MAPK8IP3: variants seen among roughly 807,000 people sequenced by gnomAD.
MAPK8IP3 encodes the protein mitogen-activated protein kinase 8 interacting protein 3.
A neutral mutation model predicts 157.8 loss-of-function variants in MAPK8IP3; 49 were observed. The ratio of observed to expected loss-of-function variants is 0.31; its 90% CI spans 0.25 to 0.39. The LOEUF is 0.39. Ranked by LOEUF, MAPK8IP3 falls within the 10% of genes least tolerant of loss-of-function variation. The probability of loss-of-function intolerance (pLI) is 1.00; values close to 1 mark genes in which losing one functional copy is unlikely to be tolerated. For missense variants in MAPK8IP3, 1,478 were observed against 1,889.4 expected, an observed-to-expected ratio of 0.78 and a Z score of 4.04; for synonymous variants, 897 against 777.7, an observed-to-expected ratio of 1.15 and a Z score of -2.55.
intron 10 of MAPK8IP3, among the ~76,000 whole-genome samples, chr16:1,759,692 C>T (rs2041823952): frequency 6.6e-6 from 1 of 152,194 alleles, no homozygotes; most frequent in Non-Finnish European, 1.5e-5. Context: ...GGCAGCCCAG[C>T]GGCCATTCAG....
intron 14 of MAPK8IP3, 28 bp downstream of exon 14, chr16:1,762,509 G>A: frequency 6.2e-7 from 1 of 1,610,990 alleles, no homozygotes; most frequent in East Asian, 2.2e-5. Context: ...CCCAGGAGGG[G>A]CTGCGGGATC....
At position 1,744,769 on chromosome 16, in the gene MAPK8IP3, C is replaced by T. The variant is rs951083610; in HGVS notation, c.747+1293C>T. On this transcript the variant is annotated intron_variant, in intron 5 of 31. Transcript: ENST00000610761. ...ATGATGTCTTTCCTTTCACCTCCTG[C>T]GTTGTCTGACATCGTCGCTCTCTTC... 10 of 985,342 alleles carry T rather than the reference C, an allele frequency of 1.0e-5. No homozygotes were observed. In the African/African-American group the frequency reaches 1.4e-4, roughly 14 times the overall value. The allele number at this position is 985,342 out of a possible 1,614,324, so 61.0% of individuals were successfully genotyped here. A position where few individuals can be genotyped will look rare whatever the true frequency, so the allele number is the denominator to read the frequency against.
At chr16:1,748,218 C>A (rs765663002) in intron 6 of MAPK8IP3, 26 bp from the exon 7 acceptor site, 3 of 1,573,592 alleles carry the variant, frequency 1.9e-6, no homozygotes, top group Non-Finnish European at 8.7e-7. Flanking sequence ...TCTCCTGACC[C>A]CAGGTGCCCC....
rs776502197 is a variant in MAPK8IP3, at chr16:1,759,004, G to A, written c.1246+9G>A. ...GCGCGATGATTTCTTTGGTAAGGCT[G>A]AGGCCCCGTTCCAGCGTGCGTCGCT... On this transcript the variant is annotated intron_variant, in intron 10 of 31. Transcript: ENST00000610761. The A allele has an allele frequency of 6.2e-7, 1 of 1,614,196 alleles. No individual in the cohort carries two copies.
At position 1,769,903 on chromosome 16, in the gene MAPK8IP3, C is replaced by T. The variant is rs1411886572; in HGVS notation, c.*1079C>T. On this transcript the variant is annotated 3_prime_UTR_variant, in exon 32 of 32. Coordinates refer to ENST00000610761, the MANE Select transcript of MAPK8IP3 (RefSeq NM_001318852.2). ...TGAGGATGGAGCCGCCCCCAGCCGACTCCAAGCCCGCAGAGGGCAGACGCC... is the reference window on the plus strand; with the variant it reads ...TGAGGATGGAGCCGCCCCCAGCCGATTCCAAGCCCGCAGAGGGCAGACGCC... 1.1e-4 allele frequency: 17 copies of T among 152,470 alleles called. No individual in the cohort carries two copies. The highest frequency in any genetic ancestry group is 5.9e-5 in the Non-Finnish European group (4 of 68,138). The allele number at this position is 152,470 out of a possible 1,614,324, so 9.4% of individuals were successfully genotyped here. A position where few individuals can be genotyped will look rare whatever the true frequency, so the allele number is the denominator to read the frequency against.
chr16:1,762,620 AG>A, intron 14 of MAPK8IP3, 54 bp from the exon 15 acceptor site: 5 of 1,542,688 alleles, frequency 3.2e-6, no homozygotes, highest in Non-Finnish European at 3.5e-6. Context: ...AGAGAGTCGC[AG>A]GTAAGGGAGG....
At chr16:1,729,057 C>T in intron 2 of MAPK8IP3, 81 bp from the exon 3 acceptor site, 1 of 1,360,788 alleles carries the variant, frequency 7.3e-7, no homozygotes, top group South Asian at 1.2e-5. Flanking sequence ...CTGGAACCCC[C>T]TCCCTCTGTG....
In MAPK8IP3 at chr16:1,768,378, G is replaced by A. The variant is rs764657641; in HGVS notation, c.3742G>A (p.Gly1248Arg). ...DAVKFFVSVP[G>R]NVLATLNGSV... ...CGTGAAGTTCTTTGTCTCGGTGCCA[G>A]GTGAGGCTGGGCCCCTCCTGCCATC... The change falls in exon 30 of 32, where the codon GGG becomes AGG. Residue 1248 changes from glycine to arginine, a missense_variant and splice_region_variant. This residue lies in a region of MAPK8IP3 where 133 missense variants were observed against 133.4 expected (regional missense o/e 1.00). Transcript: ENST00000610761. The A allele has an allele frequency of 6.3e-7, 1 of 1,599,550 alleles. No homozygotes were observed. Among genetic ancestry groups the A allele is most frequent in the South Asian group, 1.1e-5 (1 of 91,012 alleles).
chr16:1,735,768 C>T (rs1272959213), intron 4 of MAPK8IP3, among the ~76,000 whole-genome samples: 4 of 140,174 alleles, frequency 2.9e-5, no homozygotes, highest in Non-Finnish European at 4.6e-5. Context: ...TCCGTGTGAC[C>T]GTCCATGTGA....
chr16:1,738,230 GTGACCATCCATT>G (rs2040211882), intron 4 of MAPK8IP3, among the ~76,000 whole-genome samples: 1 of 94,852 alleles, frequency 1.1e-5, no homozygotes, highest in Non-Finnish European at 2.0e-5. Context: ...GTGTGAGAGT[GTGACCATCCATT>G]TGAGCATCCG....
rs2041305638 is a variant in MAPK8IP3, at chr16:1,751,799, A to G, written c.1216+3079A>G. ...TGCCTGTTCCAGACGTTTCACAGCAATGGGCCTTTTCTGCCTGGCTTCTTT... is the reference window on the plus strand; with the variant it reads ...TGCCTGTTCCAGACGTTTCACAGCAGTGGGCCTTTTCTGCCTGGCTTCTTT... On this transcript the variant is annotated intron_variant, in intron 8 of 31. Coordinates refer to ENST00000610761, the MANE Select transcript of MAPK8IP3 (RefSeq NM_001318852.2). The surrounding 1 kb of genome is among the most constrained non-coding windows in gnomAD (Gnocchi z 5.0). 6.6e-6 allele frequency: 1 copy of G among 152,170 alleles called. No homozygotes were observed. Among genetic ancestry groups the G allele is most frequent in the Non-Finnish European group, 1.5e-5 (1 of 68,048 alleles). 9.4% of individuals were successfully genotyped at this position (152,170 alleles called of 1,614,324 possible).
At chr16:1,762,789 G>T in intron 15 of MAPK8IP3, 47 bp from the exon 16 acceptor site, 3 of 1,599,836 alleles carry the variant, frequency 1.9e-6, no homozygotes, top group Admixed American at 1.7e-5. Context: ...GGGCAGGGAG[G>T]TTCCCTGGTC....
rs1364235349 is a variant in MAPK8IP3, at chr16:1,741,749, ACAACAGCTTGAGTGCCATGGAC to A, written c.603-1580_603-1559del. Among the ~76,000 whole-genome samples, 3 of 152,058 alleles carry A rather than the reference ACAACAGCTTGAGTGCCATGGAC, an allele frequency of 2.0e-5. No individual in the cohort carries two copies. The highest frequency in any genetic ancestry group is 7.2e-5 in the African/African-American group (3 of 41,390). On this transcript the variant is annotated intron_variant, in intron 4 of 31. Transcript: ENST00000610761. The surrounding 1 kb of genome is among the most constrained non-coding windows in gnomAD (Gnocchi z 6.9). ...GCCAGGGAACCTCATGGCTGTTGTC[ACAACAGCTTGAGTGCCATGGAC>A]CAGCAGCCAAGATGGCACAGCCCAG... is the stretch of plus-strand genomic sequence containing the variant.
Position 1,765,175 on chromosome 16 carries a change from C to G in MAPK8IP3, c.2443C>G (p.Pro815Ala), listed in dbSNP as rs751295459. The change falls in exon 20 of 32, where the codon CCC (proline) becomes GCC (alanine). Residue 815 changes from proline to alanine, a missense_variant. Coordinates refer to ENST00000610761, the MANE Select transcript of MAPK8IP3 (RefSeq NM_001318852.2). ...NAHVLCISSI[P>A]AASDSDYPPG... is the part of the protein sequence containing the mutation. ...GCACGTGCTGTGCATCTCCAGCATC[C>G]CCGGTGAGCAGCTGGAGTGGGCGTT... 26 of 1,589,556 alleles carry G rather than the reference C, an allele frequency of 1.6e-5. No homozygotes were observed. Among genetic ancestry groups the G allele is most frequent in the Non-Finnish European group, 2.2e-5 (26 of 1,161,332 alleles).
chr16:1,717,694 T>C (rs2142301716), intron 1 of MAPK8IP3, among the ~76,000 whole-genome samples: 1 of 152,366 alleles, frequency 6.6e-6, no homozygotes, highest in East Asian at 1.9e-4. Flanking sequence ...TCTGGGTAGT[T>C]CTTTTATTTT....
rs1368173851 is a variant in MAPK8IP3 at position 1,738,326 on chromosome 16, G to A, written c.603-5006G>A. Among the ~76,000 whole-genome samples, 5 of 86,468 alleles carry A rather than the reference G, an allele frequency of 5.8e-5. 1 individual carries two copies. The highest frequency in any genetic ancestry group is 2.5e-4 in the Admixed American group (2 of 7,900). 56.7% of individuals were successfully genotyped at this position (86,468 alleles called of 152,430 possible). ...TGTGTGACCGTCCGTGTGAGCATCC[G>A]TGAGCGTGTGACCGTCCGTGTGTGT... On this transcript the variant is annotated intron_variant, in intron 4 of 31. Transcript: ENST00000610761.
chr16:1,730,685 T>A (rs539924043), intron 4 of MAPK8IP3, among the ~76,000 whole-genome samples: 1 of 152,078 alleles, frequency 6.6e-6, no homozygotes, highest in East Asian at 1.9e-4. Flanking sequence ...CTACTAAAAA[T>A]ATAAAAAATT....
Position 1,764,429 on chromosome 16 carries a change from G to A in MAPK8IP3, c.2250G>A (p.Lys750=), listed in dbSNP as rs1005743990. 4 of 1,607,762 alleles carry A rather than the reference G, an allele frequency of 2.5e-6. No individual in the cohort carries two copies. Among genetic ancestry groups the A allele is most frequent in the Non-Finnish European group, 3.4e-6 (4 of 1,178,728 alleles). ...TCDREGDGEP[K]SAHTSPEKKK... ...ACCGCGAAGGAGACGGCGAGCCCAA[G>A]AGCGCCCACACGTCTCCCGAGAAGA... Residue 750 remains lysine (K), a synonymous_variant, in exon 19 of 32, where the codon AAG becomes AAA. Transcript: ENST00000610761.
chr16:1,725,730 T>G (rs2038836194), intron 2 of MAPK8IP3, among the ~76,000 whole-genome samples: 1 of 152,286 alleles, frequency 6.6e-6, no homozygotes, highest in East Asian at 1.9e-4. Flanking sequence ...AGAGTTTCGC[T>G]GTTTTTGCCC....
Sources: allele counts gnomAD v4.1 joint callset (sites outside exome capture counted in the v4.1 genomes callset), GRCh38; gene constraint gnomAD v4.1.1; regional missense constraint gnomAD v4.1.1; non-coding constraint Gnocchi (gnomAD v3.1); transcripts MANE v1.5; gene names NCBI Gene and HGNC (gene_info 2026-07-23, HGNC 2026-07-21).